SYTL3: variants seen among roughly 807,000 people sequenced by gnomAD.
SYTL3 encodes synaptotagmin like 3.
SYTL3 carries 88 observed loss-of-function variants against 82.1 expected under a neutral mutation model. That is an observed-to-expected ratio of 1.07 (90% CI 0.90 to 1.28). SYTL3 has a LOEUF of 1.28. Ranked by LOEUF, SYTL3 falls within the 50% of genes most tolerant of loss-of-function variation. The pLI is 0.00. For synonymous variants in SYTL3, 311 were observed against 289.4 expected (o/e 1.07, Z -0.76); for missense variants, 831 against 757.6 (o/e 1.10, Z -1.14).
rs372617382 is a variant in SYTL3 at position 158,733,228 on chromosome 6, G to A, written c.855+7591G>A. ...ATATGTTCACAGGCACATACAGCTC[G>A]CAGCCTATGCCCCTTCCTTATTTGG... On this transcript the variant is annotated intron_variant, in intron 11 of 17. Coordinates refer to ENST00000611299, the MANE Select transcript of SYTL3 (RefSeq NM_001242394.2). Among the ~76,000 whole-genome samples, 56 of 152,248 alleles carry A rather than the reference G, an allele frequency of 3.7e-4. 1 individual carries two copies. The highest frequency in any genetic ancestry group is 6.2e-4 in the South Asian group (3 of 4,818).
At chr6:158,680,667 G>A (rs542876152) in intron 5 of SYTL3, among the ~76,000 whole-genome samples, 8 of 151,930 alleles carry the variant, frequency 5.3e-5, no homozygotes, top group Non-Finnish European at 1.0e-4. Flanking sequence ...TGGGAGGATC[G>A]CTTGAGCCCG....
intron 2 of SYTL3, among the ~76,000 whole-genome samples, chr6:158,652,255 T>C (rs1788104544): frequency 6.6e-6 from 1 of 151,028 alleles, no homozygotes; most frequent in Non-Finnish European, 1.5e-5. Context: ...ATTTTATTAT[T>C]ATTATTTTTT....
At chr6:158,701,687 C>A (rs1479976961) in intron 6 of SYTL3, among the ~76,000 whole-genome samples, 1 of 151,744 alleles carries the variant, frequency 6.6e-6, no homozygotes, top group Non-Finnish European at 1.5e-5. Context: ...ACTCAAGCAC[C>A]CGCGGCCTCT....
chr6:158,657,053 T>C (rs1788762824), intron 2 of SYTL3, among the ~76,000 whole-genome samples: 1 of 152,344 alleles, frequency 6.6e-6, no homozygotes, highest in East Asian at 1.9e-4. Flanking sequence ...GTGAGGTGTT[T>C]GGAAGTTATC....
rs1163506686 is a variant in SYTL3 at position 158,722,656 on chromosome 6, A to G, written c.721-2847A>G. ...ATTGACCTATATTGGCCATAAAAACATGCACCTGTTAAACAGGAAGGATGC... is the reference window on the plus strand; with the variant it reads ...ATTGACCTATATTGGCCATAAAAACGTGCACCTGTTAAACAGGAAGGATGC... On this transcript the variant is annotated intron_variant, in intron 10 of 17. Transcript: ENST00000611299. 3.3e-5 allele frequency among the ~76,000 whole-genome samples: 5 copies of G among 151,850 alleles called. No homozygotes were observed. The South Asian group carries it at 1.0e-3, about 31-fold the overall frequency.
intron 1 of SYTL3, among the ~76,000 whole-genome samples, chr6:158,650,950 CAAAAAAAGAA>C (rs1000433776): frequency 1.7e-4 from 26 of 151,642 alleles, no homozygotes; most frequent in Admixed American, 4.6e-4. Flanking sequence ...GACTCCGTCT[CAAAAAAAGAA>C]AAAAAGAAAT....
intron 13 of SYTL3, among the ~76,000 whole-genome samples, chr6:158,752,330 A>G (rs1295541006): frequency 6.6e-6 from 1 of 152,218 alleles, no homozygotes; most frequent in Non-Finnish European, 1.5e-5. Context: ...ACCGGGGCAC[A>G]GGATAATTTT....
At chr6:158,668,334 T>C (rs974223173) in intron 5 of SYTL3, among the ~76,000 whole-genome samples, 3 of 152,344 alleles carry the variant, frequency 2.0e-5, no homozygotes, top group African/African-American at 7.2e-5. Flanking sequence ...GTTCAAGCGA[T>C]TCTCCTGCCT....
At chr6:158,707,373 C>A in intron 7 of SYTL3, 92 bp downstream of exon 7, 7 of 1,000,492 alleles carry the variant, frequency 7.0e-6, no homozygotes, top group Non-Finnish European at 1.1e-5. Context: ...TTGACTTTCA[C>A]ATGTCACTGC....
In SYTL3 at chr6:158,650,680, C is replaced by T. The variant is rs188732373; in HGVS notation, c.-727+602C>T. 4.3e-3 allele frequency among the ~76,000 whole-genome samples: 656 copies of T among 151,926 alleles called. 3 individuals are homozygous for T. The highest frequency in any genetic ancestry group is 5.3e-3 in the Non-Finnish European group (363 of 67,994). On this transcript the variant is annotated intron_variant, in intron 1 of 17. Transcript: ENST00000611299. ...GAATTGGGCTGGGTGCGGTGGCTCA[C>T]GCCTGTAATCCCAGTACTTTGGGAG...
At chr6:158,719,913 A>T (rs1562420105) in intron 10 of SYTL3, among the ~76,000 whole-genome samples, 1 of 151,988 alleles carries the variant, frequency 6.6e-6, no homozygotes, top group Non-Finnish European at 1.5e-5. Flanking sequence ...AACATGAGAA[A>T]ACCCTGTCTC....
chr6:158,668,352 C>A (rs1176628056), intron 5 of SYTL3, among the ~76,000 whole-genome samples: 2 of 152,190 alleles, frequency 1.3e-5, no homozygotes, highest in Non-Finnish European at 2.9e-5. Context: ...CCTCAGCCTC[C>A]CAAGTAGCTG....
At chr6:158,673,629 CG>C (rs1435478811) in intron 5 of SYTL3, among the ~76,000 whole-genome samples, 1 of 150,630 alleles carries the variant, frequency 6.6e-6, no homozygotes, top group African/African-American at 2.4e-5. Context: ...TTAGTAGAGA[CG>C]GGGTTTCACC....
rs181658084 is a variant in SYTL3 at position 158,681,475 on chromosome 6, C to T, written c.330-1450C>T. On this transcript the variant is annotated intron_variant, in intron 5 of 17. Transcript: ENST00000611299. ...GGTGGATCGCCTGAGGTCAGGAGTT[C>T]GAGACCAGCTTGGCTGACATGGCAA... Among the ~76,000 whole-genome samples, 23 of 152,190 alleles carry T rather than the reference C, an allele frequency of 1.5e-4. No individual in the cohort carries two copies. In the East Asian group the frequency reaches 2.7e-3, roughly 18 times the overall value.
intron 11 of SYTL3, among the ~76,000 whole-genome samples, chr6:158,741,121 G>A (rs1032058190): frequency 6.6e-6 from 1 of 152,182 alleles, no homozygotes; most frequent in African/African-American, 2.4e-5. Context: ...AGGCTGGAGT[G>A]CAGTGGTGCC....
chr6:158,733,219 A>G (rs1438852469), intron 11 of SYTL3, among the ~76,000 whole-genome samples: 1 of 152,248 alleles, frequency 6.6e-6, no homozygotes, highest in East Asian at 1.9e-4. Flanking sequence ...TCACAGGCAC[A>G]TACAGCTCGC....
At chr6:158,753,729 CAAA>C (rs11419212) in intron 13 of SYTL3, among the ~76,000 whole-genome samples, 3 of 109,744 alleles carry the variant, frequency 2.7e-5, no homozygotes, top group East Asian at 3.7e-4. Flanking sequence ...GACTCCGTCT[CAAA>C]AAAAAAAAAA....
chr6:158,670,656 G>A (rs916095227), intron 5 of SYTL3, among the ~76,000 whole-genome samples: 5 of 151,908 alleles, frequency 3.3e-5, no homozygotes, highest in African/African-American at 4.8e-5. Flanking sequence ...AGTGGCAGGC[G>A]CCTGTAATCC....
intron 11 of SYTL3, among the ~76,000 whole-genome samples, chr6:158,745,103 C>T (rs2128512864): frequency 6.6e-6 from 1 of 152,088 alleles, no homozygotes; most frequent in South Asian, 2.1e-4. Context: ...CCACTTAGCC[C>T]CAGACTGTGC....
Sources: allele counts gnomAD v4.1 joint callset (sites outside exome capture counted in the v4.1 genomes callset), GRCh38; gene constraint gnomAD v4.1.1; transcripts MANE v1.5; gene names NCBI Gene and HGNC (gene_info 2026-07-23, HGNC 2026-07-21).